ARSF: variants seen among roughly 807,000 people sequenced by gnomAD.
ARSF encodes the protein arylsulfatase F.
In ARSF, 33 loss-of-function variants were observed where a neutral mutation model predicts 35.4. The observed-to-expected ratio is 0.93, with a 90% confidence interval of 0.71 to 1.25. The LOEUF is 1.25. ARSF is among the 50% of genes most tolerant of loss of function. ARSF has a pLI of 0.00. For missense variants in ARSF, 501 were observed against 480.2 expected, an observed-to-expected ratio of 1.04 and a Z score of -0.40; for synonymous variants, 222 against 193.1, an observed-to-expected ratio of 1.15 and a Z score of -1.24.
chrX:3,107,241 A>C (rs777274064), intron 9 of ARSF, among the ~76,000 whole-genome samples: 126 of 111,622 alleles, frequency 1.1e-3, no homozygotes, highest in Non-Finnish European at 2.2e-3. Context: ...TAAGAAAATA[A>C]TTTTTTTAGA....
Position 3,111,894 on chromosome X carries a change from C to T in ARSF, c.1391-280C>T, listed in dbSNP as rs148786435. Among the ~76,000 whole-genome samples the T allele has an allele frequency of 6.7e-3, 741 of 109,973 alleles. 8 individuals are homozygous for T. The highest frequency in any genetic ancestry group is 0.023 in the African/African-American group (689 of 30,166). On this transcript the variant is annotated intron_variant, in intron 10 of 10. Coordinates refer to ENST00000381127, the MANE Select transcript of ARSF (RefSeq NM_001201539.2). ...CGCATGCACAGTTCACAATAGGTCT[C>T]GTGCTCTTATGAGAATCTGATGCAG...
At chrX:3,085,489 GA>G (rs1283484099) in intron 6 of ARSF, among the ~76,000 whole-genome samples, 5 of 109,481 alleles carry the variant, frequency 4.6e-5, no homozygotes, top group Non-Finnish European at 7.6e-5. Context: ...TTGAGCATGT[GA>G]TACGTAAGGG....
chrX:3,101,221 G>A lies in ARSF; in HGVS notation c.1102G>A (p.Gly368Ser). 1 of 1,207,035 alleles carries A rather than the reference G, an allele frequency of 8.3e-7. No individual in the cohort carries two copies. Among genetic ancestry groups the A allele is most frequent in the Non-Finnish European group, 1.1e-6 (1 of 893,441 alleles). The change falls in exon 8 of 11, where the codon GGT becomes AGT. Residue 368 changes from glycine (G) to serine (S), a missense_variant and splice_region_variant. Gly to Ser is a moderately conservative substitution (Grantham distance 56, BLOSUM62 0). Transcript: ENST00000381127. The stretch of plus-strand genomic sequence containing the variant: ...TGGTGGATGGAATGGAATATACAAA[G>A]GTGAGGAGAGGAACTCATGCAAGTG... The part of the protein sequence containing the change: ...QLGGWNGIYK[G>S]GKGMGGWEGG...
At chrX:3,100,785 C>T (rs2090370365) in intron 7 of ARSF, among the ~76,000 whole-genome samples, 2 of 110,725 alleles carry the variant, frequency 1.8e-5, no homozygotes, top group South Asian at 3.8e-4. Flanking sequence ...TTAGTAGAGA[C>T]AGGGTTTCAT....
intron 4 of ARSF, among the ~76,000 whole-genome samples, chrX:3,079,810 T>C (rs1385577483): frequency 3.8e-5 from 4 of 105,950 alleles, no homozygotes; most frequent in African/African-American, 1.4e-4. Flanking sequence ...AAATACAAAA[T>C]TAGCTGGGCA....
At chrX:3,102,890 A>AG (rs2090388082) in intron 8 of ARSF, among the ~76,000 whole-genome samples, 1 of 109,725 alleles carries the variant, frequency 9.1e-6, no homozygotes, top group East Asian at 2.8e-4. Context: ...CCAGCCTGGC[A>AG]ACAGAGCGAG....
chrX:3,100,863 G>A (rs2090370971), intron 7 of ARSF, among the ~76,000 whole-genome samples: 1 of 111,615 alleles, frequency 9.0e-6, no homozygotes, highest in Admixed American at 9.6e-5. Flanking sequence ...CCAAAGTGCT[G>A]GGATTACAGG....
At chrX:3,098,446 C>T in intron 7 of ARSF, among the ~76,000 whole-genome samples, 1 of 111,356 alleles carries the variant, frequency 9.0e-6, no homozygotes, top group Non-Finnish European at 1.9e-5. Context: ...TCCCATAATT[C>T]CCACATGTTG....
At chrX:3,099,326 AC>A (rs2090360369) in intron 7 of ARSF, among the ~76,000 whole-genome samples, 1 of 111,127 alleles carries the variant, frequency 9.0e-6, no homozygotes, top group Non-Finnish European at 1.9e-5. Context: ...ACAAACAAAA[AC>A]CAACCAACAA....
intron 5 of ARSF, among the ~76,000 whole-genome samples, chrX:3,082,387 C>G (rs752673454): frequency 1.8e-5 from 2 of 111,358 alleles, no homozygotes; most frequent in Admixed American, 1.9e-4. Flanking sequence ...CATCCATCTA[C>G]CTGTCTATCT....
At chrX:3,079,914 A>G (rs1293580671) in intron 4 of ARSF, among the ~76,000 whole-genome samples, 1 of 97,155 alleles carries the variant, frequency 1.0e-5, no homozygotes, top group African/African-American at 3.8e-5. Context: ...AGCTGAGATC[A>G]TGCCACTGCA....
At chrX:3,093,019 A>G (rs2090308396) in intron 7 of ARSF, among the ~76,000 whole-genome samples, 1 of 110,660 alleles carries the variant, frequency 9.0e-6, no homozygotes, top group South Asian at 3.8e-4. Flanking sequence ...AAATATACAA[A>G]CACATCCGTG....
Position 3,089,529 on chromosome X carries a change from C to T in ARSF, c.864C>T (p.Ser288=). Residue 288 remains serine (S), a synonymous_variant, in exon 7 of 11, where the codon TCC becomes TCT. Transcript: ENST00000381127. ...AGGAAACTTTCCTTCTCTTTTTCTCCTTTCTTCACGTGCACACACCTCTCC... is the reference window on the plus strand; with the variant it reads ...AGGAAACTTTCCTTCTCTTTTTCTCTTTTCTTCACGTGCACACACCTCTCC... ...HSKETFLLFF[S]FLHVHTPLPT... 1 of 1,211,500 alleles carries T rather than the reference C, an allele frequency of 8.3e-7. No homozygotes were observed. The highest frequency in any genetic ancestry group is 1.7e-5 in the African/African-American group (1 of 57,803).
intron 8 of ARSF, among the ~76,000 whole-genome samples, chrX:3,101,574 G>T (rs965826311): frequency 4.5e-5 from 5 of 111,343 alleles, no homozygotes; most frequent in African/African-American, 6.5e-5. Context: ...AAATGAGGGG[G>T]AGTGTGATTC....
At chrX:3,059,728 T>G (rs2090034042) in intron 1 of ARSF, among the ~76,000 whole-genome samples, 1 of 112,237 alleles carries the variant, frequency 8.9e-6, no homozygotes, top group Non-Finnish European at 1.9e-5. Context: ...GCAGCCTGGC[T>G]GGGGGGGTGG....
chrX:3,046,793 G>A (rs1481672322), intron 1 of ARSF, among the ~76,000 whole-genome samples: 4 of 111,034 alleles, frequency 3.6e-5, no homozygotes, highest in African/African-American at 1.3e-4. Context: ...TCTGAGACCT[G>A]TGATTACCAA....
intron 1 of ARSF, among the ~76,000 whole-genome samples, chrX:3,043,748 CTGTCTA>C (rs769356267): frequency 2.7e-5 from 3 of 111,087 alleles, no homozygotes; most frequent in Non-Finnish European, 5.6e-5. Context: ...ATCTGTGTGT[CTGTCTA>C]TAAGTTTATT....
chrX:3,042,127 T>C (rs1008712474), intron 1 of ARSF, among the ~76,000 whole-genome samples: 5 of 112,152 alleles, frequency 4.5e-5, no homozygotes, highest in Non-Finnish European at 9.4e-5. Flanking sequence ...ATAAGACGTT[T>C]AATGTTATTA....
chrX:3,071,887 G>C (rs2090106934), intron 2 of ARSF, 139 bp from the exon 3 acceptor site: 2 of 601,088 alleles, frequency 3.3e-6, no homozygotes, highest in South Asian at 2.8e-5. Flanking sequence ...GGTGCTTGGA[G>C]AGAGACACTC....
Sources: allele counts gnomAD v4.1 joint callset (sites outside exome capture counted in the v4.1 genomes callset), GRCh38; gene constraint gnomAD v4.1.1; transcripts MANE v1.5; gene names NCBI Gene and HGNC (gene_info 2026-07-23, HGNC 2026-07-21).